The following XKR6 variants were observed in gnomAD, a reference collection of about 807,000 sequenced individuals.
XKR6 encodes the protein XK related 6, also known as XK-related protein 6.
In XKR6, 22 loss-of-function variants were observed where a neutral mutation model predicts 56.7. The ratio of observed to expected loss-of-function variants is 0.39; its 90% CI spans 0.28 to 0.55. The LOEUF is 0.55. Among genes scored for constraint, XKR6 ranks in the 20% least tolerant of loss-of-function variants. The pLI is 0.66. For synonymous variants in XKR6, 524 were observed against 387.8 expected, an observed-to-expected ratio of 1.35 and a Z score of -4.13; for missense variants, 852 against 889.0, an observed-to-expected ratio of 0.96 and a Z score of 0.53.
intron 1 of XKR6, among the ~76,000 whole-genome samples, chr8:11,190,302 A>G (rs1450723184): frequency 1.3e-5 from 2 of 152,062 alleles, no homozygotes; most frequent in African/African-American, 4.8e-5. Flanking sequence ...AAAGAAAAGA[A>G]AACAGCTTCT....
At chr8:10,958,301 T>G (rs780389730) in intron 1 of XKR6, among the ~76,000 whole-genome samples, 2 of 152,190 alleles carry the variant, frequency 1.3e-5, no homozygotes, top group Non-Finnish European at 2.9e-5. Flanking sequence ...GAGGCCTGAG[T>G]GCTGGGGCTT....
intron 1 of XKR6, among the ~76,000 whole-genome samples, chr8:10,977,604 C>T (rs1029877267): frequency 1.3e-5 from 2 of 149,380 alleles, no homozygotes; most frequent in African/African-American, 4.9e-5. Flanking sequence ...CTGGGCACCC[C>T]GACTAATTGC....
intron 1 of XKR6, among the ~76,000 whole-genome samples, chr8:10,960,015 G>T (rs867876526): frequency 7.9e-5 from 12 of 152,154 alleles, no homozygotes; most frequent in South Asian, 4.2e-4. Context: ...GTCAGGGGGG[G>T]GCCTCCTTAA....
chr8:11,188,612 C>G (rs1293067434), intron 1 of XKR6, among the ~76,000 whole-genome samples: 2 of 152,204 alleles, frequency 1.3e-5, no homozygotes, highest in Non-Finnish European at 2.9e-5. Context: ...TTTTCTTCAG[C>G]TTTGAAGGCA....
chr8:10,952,791 C>A (rs114586503), intron 1 of XKR6, among the ~76,000 whole-genome samples: 365 of 152,262 alleles, frequency 2.4e-3, no homozygotes, highest in African/African-American at 8.4e-3. Context: ...GCACAGGGCT[C>A]CCAACCCCCG....
intron 1 of XKR6, among the ~76,000 whole-genome samples, chr8:11,102,824 G>C (rs145587790): frequency 7.7e-4 from 118 of 152,304 alleles, no homozygotes; most frequent in African/African-American, 2.4e-3. Context: ...AGAACTGGCT[G>C]CATTTGGAGG....
chr8:11,112,917 G>C (rs1343976941), intron 1 of XKR6, among the ~76,000 whole-genome samples: 1 of 152,198 alleles, frequency 6.6e-6, no homozygotes, highest in Non-Finnish European at 1.5e-5. Context: ...CTGAGATTAA[G>C]CAGTAAGAAA....
intron 1 of XKR6, among the ~76,000 whole-genome samples, chr8:11,054,436 T>C (rs929133877): frequency 3.3e-5 from 5 of 152,180 alleles, no homozygotes; most frequent in Admixed American, 1.3e-4. Flanking sequence ...ACTGCCCAAA[T>C]ATGCAATGTC....
chr8:11,043,726 A>G (rs1038238616), intron 1 of XKR6, among the ~76,000 whole-genome samples: 1 of 152,242 alleles, frequency 6.6e-6, no homozygotes, highest in Non-Finnish European at 1.5e-5. Flanking sequence ...CTTAAAAACT[A>G]AGTTCCCGCC....
At chr8:11,141,482 G>C (rs1423297982) in intron 1 of XKR6, among the ~76,000 whole-genome samples, 1 of 152,196 alleles carries the variant, frequency 6.6e-6, no homozygotes, top group African/African-American at 2.4e-5. Flanking sequence ...AGAAAATAGA[G>C]CTGTAATACA....
chr8:11,129,313 T>G (rs114266306), intron 1 of XKR6, among the ~76,000 whole-genome samples: 1 of 152,340 alleles, frequency 6.6e-6, no homozygotes, highest in African/African-American at 2.4e-5. Context: ...ACCCCTGATG[T>G]AAAAAGCTAA....
chr8:10,927,494 G>C (rs1476716389), intron 1 of XKR6, among the ~76,000 whole-genome samples: 1 of 152,154 alleles, frequency 6.6e-6, no homozygotes, highest in Non-Finnish European at 1.5e-5. Context: ...CAGCCTCACA[G>C]GTGGCCCAGC....
At chr8:11,163,745 T>A (rs1252590316) in intron 1 of XKR6, among the ~76,000 whole-genome samples, 4 of 152,192 alleles carry the variant, frequency 2.6e-5, no homozygotes, top group African/African-American at 7.2e-5. Context: ...CATTTCTTCT[T>A]CCTCTGAGGT....
intron 1 of XKR6, among the ~76,000 whole-genome samples, chr8:11,101,922 G>T (rs1004549737): frequency 6.6e-6 from 1 of 152,120 alleles, no homozygotes; most frequent in East Asian, 1.9e-4. Context: ...GTTGTATCTT[G>T]CAGTCTAGTT....
At chr8:11,162,521 T>C (rs1036253688) in intron 1 of XKR6, among the ~76,000 whole-genome samples, 7 of 152,232 alleles carry the variant, frequency 4.6e-5, no homozygotes, top group African/African-American at 7.2e-5. Flanking sequence ...CCAGGTAGTT[T>C]TGTTTCAAAT....
intron 1 of XKR6, among the ~76,000 whole-genome samples, chr8:11,198,905 C>T (rs549049574): frequency 6.6e-6 from 1 of 151,972 alleles, no homozygotes; most frequent in Non-Finnish European, 1.5e-5. Context: ...AGAAAACAAC[C>T]CCCAGCCCCC....
intron 1 of XKR6, among the ~76,000 whole-genome samples, chr8:11,073,208 C>T (rs553274764): frequency 6.6e-6 from 1 of 152,280 alleles, no homozygotes; most frequent in African/African-American, 2.4e-5. Flanking sequence ...CCTGTGGAAT[C>T]CATGTGTCCT....
intron 1 of XKR6, among the ~76,000 whole-genome samples, chr8:11,134,292 C>CCAAT (rs1450419401): frequency 6.6e-6 from 1 of 152,168 alleles, no homozygotes; most frequent in Non-Finnish European, 1.5e-5. Flanking sequence ...ATACCCTATC[C>CCAAT]CAATGCCTTA....
At chr8:11,120,838 G>T (rs1252079274) in intron 1 of XKR6, among the ~76,000 whole-genome samples, 1 of 152,142 alleles carries the variant, frequency 6.6e-6, no homozygotes, top group African/African-American at 2.4e-5. Flanking sequence ...CCAAAACAGA[G>T]ATATAGACCA....
Sources: allele counts gnomAD v4.1 joint callset (sites outside exome capture counted in the v4.1 genomes callset), GRCh38; gene constraint gnomAD v4.1.1; transcripts MANE v1.5; gene names NCBI Gene and HGNC (gene_info 2026-07-23, HGNC 2026-07-21).